ANO3: variants seen among roughly 807,000 people sequenced by gnomAD.
ANO3 encodes anoctamin-3.
ANO3 carries 99 observed loss-of-function variants against 144.8 expected under a neutral mutation model. That is an observed-to-expected ratio of 0.68 (90% CI 0.58 to 0.81). The LOEUF is 0.81. Ranked by LOEUF, ANO3 falls within the 30% of genes least tolerant of loss-of-function variation. The probability of loss-of-function intolerance (pLI) is 0.00; values close to 1 mark genes in which losing one functional copy is unlikely to be tolerated. For synonymous variants in ANO3, 414 were observed against 392.6 expected (o/e 1.05, Z -0.64); for missense variants, 905 against 1,202.2 (o/e 0.75, Z 3.66).
At chr11:26,470,854 G>A (rs1242403148) in intron 4 of ANO3, among the ~76,000 whole-genome samples, 1 of 151,870 alleles carries the variant, frequency 6.6e-6, no homozygotes, top group Non-Finnish European at 1.5e-5. Context: ...ATCTCATACA[G>A]CTAATAAATG....
intron 9 of ANO3, among the ~76,000 whole-genome samples, chr11:26,535,458 A>T (rs1415134853): frequency 6.6e-6 from 1 of 152,138 alleles, no homozygotes; most frequent in Non-Finnish European, 1.5e-5. Flanking sequence ...GTCATATCCT[A>T]AAAGCCTTGA....
intron 4 of ANO3, among the ~76,000 whole-genome samples, chr11:26,482,254 A>G (rs967871063): frequency 6.6e-5 from 10 of 151,760 alleles, no homozygotes; most frequent in Non-Finnish European, 1.5e-4. Context: ...TTGAGGGTAC[A>G]TGTGCACAAT....
chr11:26,463,676 A>G (rs981094921), intron 4 of ANO3, among the ~76,000 whole-genome samples: 1 of 151,910 alleles, frequency 6.6e-6, no homozygotes, highest in Admixed American at 6.6e-5. Flanking sequence ...ATAGTTCACC[A>G]ATACAAAAAT....
At chr11:26,296,378 C>CAGATTAA (rs879332945) in intron 1 of ANO3, among the ~76,000 whole-genome samples, 202 of 152,300 alleles carry the variant, frequency 1.3e-3, no homozygotes, top group Non-Finnish European at 2.3e-3. Flanking sequence ...TTGACCCTCT[C>CAGATTAA]TTCCATGCTT....
At chr11:26,393,949 G>T (rs1036442485) in intron 1 of ANO3, among the ~76,000 whole-genome samples, 4 of 152,144 alleles carry the variant, frequency 2.6e-5, no homozygotes, top group African/African-American at 9.7e-5. Flanking sequence ...TCAATCTACG[G>T]ACATATTCGG....
In ANO3 at chr11:26,245,016, T is replaced by TGC. The variant is rs560456542; in HGVS notation, c.154+55687_154+55688insCG. Reference sequence around the variant, plus strand: ...GTGTGTGTGTGTGTGTGTGTGTGTGTGTGTGCATGCATGCATTTGTCTTTC... The same window carrying TGC: ...GTGTGTGTGTGTGTGTGTGTGTGTGTGCGTGTGCATGCATGCATTTGTCTTTC... On this transcript the variant is annotated intron_variant, in intron 1 of 27. Transcript: ENST00000672621. Among the ~76,000 whole-genome samples, 1,046 of 105,072 alleles carry TGC rather than the reference T, an allele frequency of 1.0e-2. 18 individuals are homozygous for TGC. Among genetic ancestry groups the TGC allele is most frequent in the African/African-American group, 0.03 (961 of 31,568 alleles). The allele number at this position is 105,072 out of a possible 152,430, so 68.9% of individuals were successfully genotyped here.
At chr11:26,562,158 A>G (rs1056055965) in intron 14 of ANO3, among the ~76,000 whole-genome samples, 8 of 151,926 alleles carry the variant, frequency 5.3e-5, no homozygotes, top group Non-Finnish European at 1.0e-4. Context: ...CAAAGGTTAA[A>G]AAATGGTTGA....
intron 1 of ANO3, among the ~76,000 whole-genome samples, chr11:26,236,098 T>C (rs1173966420): frequency 6.6e-6 from 1 of 152,216 alleles, no homozygotes; most frequent in African/African-American, 2.4e-5. Flanking sequence ...ATTCTGTTTT[T>C]ACAGGTCCAC....
At chr11:26,610,997 C>T (rs192711787) in intron 17 of ANO3, among the ~76,000 whole-genome samples, 1 of 152,020 alleles carries the variant, frequency 6.6e-6, no homozygotes, top group Non-Finnish European at 1.5e-5. Context: ...CCTTTTTCAT[C>T]TCTGATTTTA....
chr11:26,194,658 G>A (rs1361333631), intron 1 of ANO3, among the ~76,000 whole-genome samples: 5 of 151,924 alleles, frequency 3.3e-5, no homozygotes, highest in East Asian at 1.9e-4. Context: ...GGGCCACTAC[G>A]CTGGGCTAAT....
At chr11:26,506,721 C>A (rs959362301) in intron 4 of ANO3, among the ~76,000 whole-genome samples, 1 of 152,192 alleles carries the variant, frequency 6.6e-6, no homozygotes, top group Admixed American at 6.5e-5. Flanking sequence ...AACTTAATCT[C>A]TCTGCAGAAC....
At chr11:26,607,857 G>A (rs1238982835) in intron 17 of ANO3, among the ~76,000 whole-genome samples, 1 of 152,148 alleles carries the variant, frequency 6.6e-6, no homozygotes, top group African/African-American at 2.4e-5. Context: ...AAGGTTCTTA[G>A]CTTCTTTGCA....
chr11:26,383,968 G>A (rs1297005970), intron 1 of ANO3, among the ~76,000 whole-genome samples: 1 of 125,660 alleles, frequency 8.0e-6, no homozygotes, highest in African/African-American at 3.0e-5. Context: ...TGCGATCTTG[G>A]CTCACTGCAA....
chr11:26,366,236 C>T (rs559633261), intron 1 of ANO3, among the ~76,000 whole-genome samples: 151 of 152,024 alleles, frequency 9.9e-4, no homozygotes, highest in African/African-American at 3.6e-3. Context: ...TGAATGAGAA[C>T]ATGCGGTGTT....
intron 14 of ANO3, chr11:26,571,919 G>C (rs1850842673): frequency 4.3e-6 from 1 of 234,312 alleles, no homozygotes. Context: ...GTAGCTACTT[G>C]CCAGGCTGTT....
At position 26,599,010 on chromosome 11, in the gene ANO3, G is replaced by C; in HGVS notation, c.1671+12G>C. ...GAATATTCTTCATGGTAAAGTATAG[G>C]CATCGATATCAAAATGTTTTGGGAT... On this transcript the variant is annotated intron_variant, in intron 16 of 26. Coordinates refer to ENST00000256737, the MANE Select transcript of ANO3 (RefSeq NM_031418.4). 1.2e-6 allele frequency: 2 copies of C among 1,610,546 alleles called. No homozygotes were observed. Among genetic ancestry groups the C allele is most frequent in the South Asian group, 1.1e-5 (1 of 90,036 alleles).
At chr11:26,600,760 C>A (rs2132934805) in intron 17 of ANO3, among the ~76,000 whole-genome samples, 1 of 151,728 alleles carries the variant, frequency 6.6e-6, no homozygotes, top group East Asian at 2.0e-4. Context: ...CATAGTCTGG[C>A]ATGCTGTGGC....
chr11:26,533,059 A>G (rs746914464), intron 8 of ANO3, among the ~76,000 whole-genome samples: 36 of 152,184 alleles, frequency 2.4e-4, no homozygotes, highest in Non-Finnish European at 4.3e-4. Flanking sequence ...TGAATTTGGT[A>G]CATCCAAGTA....
chr11:26,270,052 A>G (rs552862395), intron 1 of ANO3, among the ~76,000 whole-genome samples: 30 of 152,280 alleles, frequency 2.0e-4, no homozygotes, highest in African/African-American at 6.3e-4. Flanking sequence ...GAAGAACCCA[A>G]ATTATCAGCA....
Sources: allele counts gnomAD v4.1 joint callset (sites outside exome capture counted in the v4.1 genomes callset), GRCh38; gene constraint gnomAD v4.1.1; transcripts MANE v1.5; gene names NCBI Gene and HGNC (gene_info 2026-07-23, HGNC 2026-07-21).